CLPTM1: variants seen among roughly 807,000 people sequenced by gnomAD.
CLPTM1 encodes CLPTM1 regulator of GABA type A receptor forward trafficking.
CLPTM1 carries 21 observed loss-of-function variants against 77.3 expected under a neutral mutation model. That is an observed-to-expected ratio of 0.27 (90% CI 0.19 to 0.39). The LOEUF is 0.39. Among genes scored for constraint, CLPTM1 ranks in the 10% least tolerant of loss-of-function variants. CLPTM1 has a pLI of 1.00. For synonymous variants in CLPTM1, 373 were observed against 381.0 expected (o/e 0.98, Z 0.24); for missense variants, 642 against 921.2 (o/e 0.70, Z 3.92).
intron 4 of CLPTM1, among the ~76,000 whole-genome samples, chr19:44,976,490 C>T (rs1486106925): frequency 6.6e-6 from 1 of 152,176 alleles, no homozygotes; most frequent in African/African-American, 2.4e-5. Context: ...AGGAAGACCC[C>T]ATCTCTAAAA....
intron 5 of CLPTM1, among the ~76,000 whole-genome samples, chr19:44,977,872 T>G (rs1263672811): frequency 6.6e-6 from 1 of 152,094 alleles, no homozygotes; most frequent in Non-Finnish European, 1.5e-5. Flanking sequence ...TCCTAGCACT[T>G]TGGGAGACAA....
chr19:44,955,403 C>A lies in CLPTM1; in HGVS notation c.8C>A (p.Ala3Glu). MA[A>E]AQEADGARSA... is the part of the protein sequence containing the mutation. ...GGGACCCGGAGCGGGAAGATGGCGG[C>A]GGCGCAGGAGGCGGACGGGGCCCGC... Residue 3 changes from alanine (A) to glutamate (E), a missense_variant, in exon 1 of 14, where the codon GCG becomes GAG. Around this residue, in one of 2 missense-constraint regions of CLPTM1, gnomAD observed 121 missense variants for 120.8 expected, o/e 1.00. Transcript: ENST00000337392. The A allele has an allele frequency of 7.6e-7, 1 of 1,318,092 alleles. No homozygotes were observed. The highest frequency in any genetic ancestry group is 2.2e-5 in the South Asian group (1 of 45,468). The allele number at this position is 1,318,092 out of a possible 1,614,324, so 81.6% of individuals were successfully genotyped here. A position where few individuals can be genotyped will look rare whatever the true frequency, so the allele number is the denominator to read the frequency against.
intron 5 of CLPTM1, among the ~76,000 whole-genome samples, chr19:44,979,231 G>A (rs906897056): frequency 1.3e-5 from 2 of 151,952 alleles, no homozygotes; most frequent in African/African-American, 4.8e-5. Context: ...CGTCTGCCTC[G>A]GCCTCCCAAA....
At chr19:44,965,090 A>AT (rs60794565) in intron 2 of CLPTM1, among the ~76,000 whole-genome samples, 78 of 147,984 alleles carry the variant, frequency 5.3e-4, no homozygotes, top group South Asian at 3.0e-3. Flanking sequence ...TATTCCTTTT[A>AT]TTTTTTTTTT....
At chr19:44,964,466 A>G (rs917520069) in intron 2 of CLPTM1, among the ~76,000 whole-genome samples, 2 of 151,088 alleles carry the variant, frequency 1.3e-5, no homozygotes, top group African/African-American at 4.9e-5. Context: ...ACCTGCCACC[A>G]CGCCTGGCTA....
chr19:44,960,852 C>G (rs1970533388), intron 1 of CLPTM1, among the ~76,000 whole-genome samples: 2 of 152,268 alleles, frequency 1.3e-5, no homozygotes, highest in Non-Finnish European at 1.5e-5. Context: ...CTAACTGTGA[C>G]TGTGATAGCC....
chr19:44,975,666 C>T (rs781723951), intron 4 of CLPTM1, among the ~76,000 whole-genome samples: 15 of 152,042 alleles, frequency 9.9e-5, no homozygotes, highest in Non-Finnish European at 5.9e-5. Flanking sequence ...CAGGTTCAAG[C>T]GATTCTCATG....
In CLPTM1 at chr19:44,993,050, G is replaced by A. The variant is rs1173695980; in HGVS notation, c.*153G>A. On this transcript the variant is annotated 3_prime_UTR_variant, in exon 14 of 14. Coordinates refer to ENST00000337392, the MANE Select transcript of CLPTM1 (RefSeq NM_001294.4). ...GGTCAGGGCCCAGCGTGTGATGTAG[G>A]GGCCGGGGCAGGCCAGGGTTTGTTT... 1.1e-6 allele frequency: 1 copy of A among 939,246 alleles called. No individual in the cohort carries two copies. Among genetic ancestry groups the A allele is most frequent in the Non-Finnish European group, 1.7e-6 (1 of 596,686 alleles). The allele number at this position is 939,246 out of a possible 1,614,324, so 58.2% of individuals were successfully genotyped here.
At position 44,955,496 on chromosome 19, in the gene CLPTM1, G is replaced by A. The variant is rs945731560; in HGVS notation, c.72+29G>A. The stretch of plus-strand genomic sequence containing the variant: ...CGGAGGCCGAGAGGGGACTGAGGGG[G>A]TTCTTCCCCAGCCGGGGGGCCTCCC... On this transcript the variant is annotated intron_variant, in intron 1 of 13. Coordinates refer to ENST00000337392, the MANE Select transcript of CLPTM1 (RefSeq NM_001294.4). 13 of 1,274,148 alleles carry A rather than the reference G, an allele frequency of 1.0e-5. No individual in the cohort carries two copies. In the South Asian group the frequency reaches 2.6e-4, roughly 26 times the overall value. The allele number at this position is 1,274,148 out of a possible 1,614,324, so 78.9% of individuals were successfully genotyped here. A position where few individuals can be genotyped will look rare whatever the true frequency, so the allele number is the denominator to read the frequency against.
intron 6 of CLPTM1, among the ~76,000 whole-genome samples, chr19:44,985,819 G>A (rs969730123): frequency 2.0e-4 from 31 of 152,220 alleles, no homozygotes; most frequent in Admixed American, 2.0e-4. Flanking sequence ...GTGTTGGGGG[G>A]GTGGTCCCTG....
intron 5 of CLPTM1, among the ~76,000 whole-genome samples, chr19:44,978,728 A>G (rs73558190): frequency 0.098 from 14,883 of 152,238 alleles, 1,239 homozygotes; most frequent in African/African-American, 0.23. Flanking sequence ...TGGGTTAATC[A>G]GTTCCTGAGG....
chr19:44,980,880 C>T (rs1308274297), intron 5 of CLPTM1, among the ~76,000 whole-genome samples: 10 of 151,728 alleles, frequency 6.6e-5, no homozygotes, highest in Admixed American at 2.0e-4. Context: ...CTCTGTTGCC[C>T]AGGCTGGAGT....
intron 2 of CLPTM1, among the ~76,000 whole-genome samples, chr19:44,972,017 C>G (rs746922646): frequency 1.3e-5 from 2 of 151,034 alleles, no homozygotes; most frequent in Non-Finnish European, 2.9e-5. Context: ...ACTAGAGGCA[C>G]GCACCACCAG....
chr19:44,976,630 C>T lies in CLPTM1; in HGVS notation c.469-713C>T, dbSNP rs143287796. On this transcript the variant is annotated intron_variant, in intron 4 of 13. Coordinates refer to ENST00000337392, the MANE Select transcript of CLPTM1 (RefSeq NM_001294.4). ...GGACAACTTGCCTCCCTTCTTGAAG[C>T]CTCAGTTTCCTCATCTGGATCAAGT... Among the ~76,000 whole-genome samples, 680 of 152,292 alleles carry T rather than the reference C, an allele frequency of 4.5e-3. 6 individuals are homozygous for T. The highest frequency in any genetic ancestry group is 0.015 in the African/African-American group (644 of 41,564).
In CLPTM1 at chr19:44,991,158, T is replaced by A; in HGVS notation, c.1420-80T>A. 2 of 1,593,016 alleles carry A rather than the reference T, an allele frequency of 1.3e-6. No homozygotes were observed. Among genetic ancestry groups the A allele is most frequent in the Non-Finnish European group, 8.6e-7 (1 of 1,167,594 alleles). On this transcript the variant is annotated intron_variant, in intron 11 of 13. Transcript: ENST00000337392. This position sits in a 1 kb window ranked among gnomAD's most constrained non-coding sequence, Gnocchi z 5.4. ...CCCCTGCCCGGCCTGCCAGACCAGG[T>A]GTGGTGGGTGAGGGCGGGGAGCAGG...
intron 1 of CLPTM1, among the ~76,000 whole-genome samples, chr19:44,956,061 A>G (rs1254746807): frequency 2.6e-5 from 4 of 152,244 alleles, no homozygotes; most frequent in South Asian, 2.1e-4. Flanking sequence ...AAATAGTTCT[A>G]TGGGTTAATT....
intron 3 of CLPTM1, among the ~76,000 whole-genome samples, chr19:44,973,761 G>GTTTT (rs71173113): frequency 0.12 from 7,267 of 61,492 alleles, 560 homozygotes; most frequent in East Asian, 0.2. Context: ...GTCACAGTGG[G>GTTTT]TTTTTTTTTT....
chr19:44,966,990 C>T (rs568502087), intron 2 of CLPTM1, among the ~76,000 whole-genome samples: 15 of 152,192 alleles, frequency 9.9e-5, no homozygotes, highest in African/African-American at 2.4e-4. Flanking sequence ...TACAGGCGCC[C>T]GCCACAGCGC....
chr19:44,974,734 G>A (rs2122285003), intron 4 of CLPTM1, 137 bp downstream of exon 4: 3 of 934,358 alleles, frequency 3.2e-6, no homozygotes, highest in East Asian at 2.7e-5. Flanking sequence ...CACATGGTCT[G>A]TGACCACAAG....
Sources: allele counts gnomAD v4.1 joint callset (sites outside exome capture counted in the v4.1 genomes callset), GRCh38; gene constraint gnomAD v4.1.1; regional missense constraint gnomAD v4.1.1; non-coding constraint Gnocchi (gnomAD v3.1); transcripts MANE v1.5; gene names NCBI Gene and HGNC (gene_info 2026-07-23, HGNC 2026-07-21).